Variants in NIBAN1 observed in about 807,000 individuals in gnomAD.
NIBAN1 encodes the protein protein Niban 1.
NIBAN1 carries 81 observed loss-of-function variants against 75.1 expected under a neutral mutation model. That is an observed-to-expected ratio of 1.08 (90% CI 0.90 to 1.30). The LOEUF (loss-of-function observed/expected upper bound fraction) is 1.30. NIBAN1 is among the 50% of genes most tolerant of loss of function. The pLI is 0.00. For synonymous variants in NIBAN1, 436 were observed against 424.8 expected, an observed-to-expected ratio of 1.03 and a Z score of -0.32; for missense variants, 1,133 against 1,128.1, an observed-to-expected ratio of 1.00 and a Z score of -0.06.
chr1:184,965,604 A>T (rs958480590), intron 1 of NIBAN1, among the ~76,000 whole-genome samples: 1 of 152,322 alleles, frequency 6.6e-6, no homozygotes, highest in Middle Eastern at 3.4e-3. Context: ...GTAAGTACAC[A>T]TGGACACATA....
chr1:184,834,686 C>G (rs1242187917), intron 5 of NIBAN1, among the ~76,000 whole-genome samples: 1 of 152,060 alleles, frequency 6.6e-6, no homozygotes, highest in African/African-American at 2.4e-5. Context: ...TGTCCTTTGC[C>G]CACTTTTTGA....
chr1:184,917,430 T>C (rs1657419516), intron 1 of NIBAN1, among the ~76,000 whole-genome samples: 1 of 145,700 alleles, frequency 6.9e-6, no homozygotes, highest in Non-Finnish European at 1.5e-5. Context: ...GCCAGGAAGG[T>C]CTTGATCTGA....
chr1:184,905,758 T>G (rs1657085400), intron 1 of NIBAN1, among the ~76,000 whole-genome samples: 1 of 152,212 alleles, frequency 6.6e-6, no homozygotes, highest in South Asian at 2.1e-4. Context: ...CAAATATAGC[T>G]TATCTCTCCT....
intron 1 of NIBAN1, among the ~76,000 whole-genome samples, chr1:184,946,228 T>A (rs1658221570): frequency 6.6e-6 from 1 of 152,236 alleles, no homozygotes. Context: ...TGCTCCCCTA[T>A]TACTTTCGCA....
intron 5 of NIBAN1, among the ~76,000 whole-genome samples, chr1:184,855,620 A>G (rs1655657625): frequency 6.6e-6 from 1 of 151,758 alleles, no homozygotes; most frequent in Non-Finnish European, 1.5e-5. Context: ...CCCTTAGTCC[A>G]CTCTACTATT....
chr1:184,890,237 G>A lies in NIBAN1; in HGVS notation c.319-15C>T. The A allele has an allele frequency of 6.4e-7, 1 of 1,565,194 alleles. No individual in the cohort carries two copies. Among genetic ancestry groups the A allele is most frequent in the Non-Finnish European group, 8.8e-7 (1 of 1,135,724 alleles). ...CTCTGATAGGCCTGGGGAGGGAAAGGCACACAGGAATGATATCTTTTTCCC... is the reference window on the plus strand; with the variant it reads ...CTCTGATAGGCCTGGGGAGGGAAAGACACACAGGAATGATATCTTTTTCCC... On this transcript the variant is annotated splice_polypyrimidine_tract_variant and intron_variant, in intron 3 of 13. Coordinates refer to ENST00000367511, the MANE Select transcript of NIBAN1 (RefSeq NM_052966.4).
chr1:184,962,052 G>A (rs1287206451), intron 1 of NIBAN1, among the ~76,000 whole-genome samples: 1 of 152,162 alleles, frequency 6.6e-6, no homozygotes, highest in African/African-American at 2.4e-5. Context: ...AATCTACTGG[G>A]ATGAGCTCTA....
chr1:184,879,590 T>C (rs1656323621), intron 5 of NIBAN1, among the ~76,000 whole-genome samples: 1 of 152,264 alleles, frequency 6.6e-6, no homozygotes, highest in African/African-American at 2.4e-5. Context: ...AGCAAGAAGA[T>C]CATGTTCAAA....
chr1:184,895,563 T>G (rs926861868), intron 2 of NIBAN1, among the ~76,000 whole-genome samples: 4 of 152,216 alleles, frequency 2.6e-5, no homozygotes, highest in Non-Finnish European at 5.9e-5. Flanking sequence ...TTTTTTATTT[T>G]TAGTTTTTTA....
intron 8 of NIBAN1, among the ~76,000 whole-genome samples, chr1:184,820,433 C>T (rs1273160881): frequency 6.6e-6 from 1 of 152,170 alleles, no homozygotes; most frequent in Non-Finnish European, 1.5e-5. Flanking sequence ...TTTACCTTGC[C>T]TTCCTTCCTC....
chr1:184,974,031 C>T (rs1186631711), intron 1 of NIBAN1, among the ~76,000 whole-genome samples: 1 of 152,032 alleles, frequency 6.6e-6, no homozygotes, highest in Non-Finnish European at 1.5e-5. Flanking sequence ...CGGCACTGAC[C>T]CCGAGGCGGC....
At chr1:184,841,716 AT>A (rs1655292007) in intron 5 of NIBAN1, among the ~76,000 whole-genome samples, 1 of 152,230 alleles carries the variant, frequency 6.6e-6, no homozygotes, top group Non-Finnish European at 1.5e-5. Flanking sequence ...TTTCTAACAT[AT>A]GGGCTTATCT....
chr1:184,914,789 C>T (rs1321336438), intron 1 of NIBAN1, among the ~76,000 whole-genome samples: 2 of 150,046 alleles, frequency 1.3e-5, no homozygotes, highest in South Asian at 2.1e-4. Context: ...GGCGTGATCT[C>T]GCAGCTCACT....
At chr1:184,960,655 T>TC (rs373894983) in intron 1 of NIBAN1, among the ~76,000 whole-genome samples, 1 of 36,772 alleles carries the variant, frequency 2.7e-5, no homozygotes, top group East Asian at 4.3e-4. Flanking sequence ...TGAGACGGAG[T>TC]CTACTCTATC....
chr1:184,808,334 G>A, intron 9 of NIBAN1, 99 bp from the exon 10 acceptor site: 1 of 1,200,724 alleles, frequency 8.3e-7, no homozygotes, highest in Non-Finnish European at 1.2e-6. Flanking sequence ...TCAAATGCAA[G>A]TTGTTAAAGT....
intron 1 of NIBAN1, among the ~76,000 whole-genome samples, chr1:184,909,768 T>C (rs1657192969): frequency 6.6e-6 from 1 of 152,212 alleles, no homozygotes. Context: ...TTTCTGATAA[T>C]AACTCAAACA....
At chr1:184,837,251 T>G (rs909969984) in intron 5 of NIBAN1, among the ~76,000 whole-genome samples, 1 of 152,198 alleles carries the variant, frequency 6.6e-6, no homozygotes, top group African/African-American at 2.4e-5. Context: ...AAATGGTTTT[T>G]GGCTTTTAAG....
rs185504151 is a variant in NIBAN1 at position 184,803,311 on chromosome 1, G to A, written c.1554+274C>T. ...CTTTGAGATTTTGTCTAGTCCAGGG[G>A]TCAGCATATCTGGCTAGCATCTTGT... On this transcript the variant is annotated intron_variant, in intron 12 of 13. Coordinates refer to ENST00000367511, the MANE Select transcript of NIBAN1 (RefSeq NM_052966.4). Among the ~76,000 whole-genome samples the A allele has an allele frequency of 7.9e-4, 121 of 152,304 alleles. 3 individuals carry two copies. The South Asian group carries it at 0.011, about 14-fold the overall frequency.
chr1:184,823,644 C>A lies in NIBAN1; in HGVS notation c.816G>T (p.Trp272Cys), dbSNP rs868509498. 1 of 1,614,116 alleles carries A rather than the reference C, an allele frequency of 6.2e-7. No individual in the cohort carries two copies. Among genetic ancestry groups the A allele is most frequent in the Non-Finnish European group, 8.5e-7 (1 of 1,179,986 alleles). ...GAGCAAAACCATTGCTTACACCAAGCCACGTCCTCTTTCTGTCATTCTTCT... is the reference window on the plus strand; with the variant it reads ...GAGCAAAACCATTGCTTACACCAAGACACGTCCTCTTTCTGTCATTCTTCT... ...KGKKNDRKRT[W>C]LGLLEEAYTL... Residue 272 changes from tryptophan to cysteine, a missense_variant, in exon 7 of 14, where the codon TGG (tryptophan) becomes TGT (cysteine). Physicochemically the swap from Trp to Cys is radical, Grantham distance 215. Coordinates refer to ENST00000367511, the MANE Select transcript of NIBAN1 (RefSeq NM_052966.4).
Sources: gnomAD v4.1 joint callset for allele counts (sites outside exome capture counted in the v4.1 genomes callset) on GRCh38, gnomAD v4.1.1 for gene constraint, MANE v1.5 for transcripts, NCBI Gene and HGNC (gene_info 2026-07-23, HGNC 2026-07-21) for gene names.